Variants in IMMP2L observed in about 807,000 individuals in gnomAD.
IMMP2L encodes the protein inner mitochondrial membrane peptidase subunit 2.
IMMP2L carries 18 observed loss-of-function variants against 19.3 expected under a neutral mutation model. The ratio of observed to expected loss-of-function variants is 0.93; its 90% CI spans 0.64 to 1.38. The LOEUF (loss-of-function observed/expected upper bound fraction) is 1.38, where lower values mean the gene tolerates loss of function less well. Ranked by LOEUF, IMMP2L falls within the 40% of genes most tolerant of loss-of-function variation. IMMP2L has a pLI of 0.00. For synonymous variants in IMMP2L, 76 were observed against 73.0 expected (o/e 1.04, Z -0.21); for missense variants, 233 against 218.2 (o/e 1.07, Z -0.43).
At chr7:110,734,495 T>C (rs1331846993) in intron 5 of IMMP2L, among the ~76,000 whole-genome samples, 1 of 152,064 alleles carries the variant, frequency 6.6e-6, no homozygotes, top group African/African-American at 2.4e-5. Flanking sequence ...TATAGTAAAA[T>C]GCAGGAAGGG....
At chr7:111,523,527 G>A (rs1404383299) in intron 1 of IMMP2L, among the ~76,000 whole-genome samples, 1 of 152,026 alleles carries the variant, frequency 6.6e-6, no homozygotes, top group Non-Finnish European at 1.5e-5. Context: ...ATTACCTACT[G>A]TAACTGACAT....
At chr7:110,797,194 T>TAA (rs797000751) in intron 5 of IMMP2L, among the ~76,000 whole-genome samples, 1 of 147,806 alleles carries the variant, frequency 6.8e-6, no homozygotes, top group African/African-American at 2.5e-5. Flanking sequence ...TCTCAGAAAA[T>TAA]AAAAAAAAAA....
At chr7:110,904,979 G>A (rs973067369) in intron 4 of IMMP2L, among the ~76,000 whole-genome samples, 1 of 152,008 alleles carries the variant, frequency 6.6e-6, no homozygotes, top group Admixed American at 6.6e-5. Flanking sequence ...TTCTTTTCAT[G>A]GTTACAAAAT....
chr7:110,691,792 A>C (rs888569840), intron 5 of IMMP2L, among the ~76,000 whole-genome samples: 2 of 152,196 alleles, frequency 1.3e-5, no homozygotes, highest in African/African-American at 4.8e-5. Flanking sequence ...CCATTATTAA[A>C]AAGTCAAAAA....
At chr7:111,033,789 C>T (rs1791066687) in intron 3 of IMMP2L, among the ~76,000 whole-genome samples, 2 of 152,008 alleles carry the variant, frequency 1.3e-5, no homozygotes. Context: ...CATATCAATA[C>T]AAAAACTTGT....
chr7:111,052,215 C>G (rs1482133575), intron 3 of IMMP2L, among the ~76,000 whole-genome samples: 2 of 152,152 alleles, frequency 1.3e-5, no homozygotes, highest in Non-Finnish European at 2.9e-5. Context: ...AATATGCATT[C>G]TGTAGAGAAT....
Position 111,429,212 on chromosome 7 carries a change from T to G in IMMP2L, c.239+58026A>C, listed in dbSNP as rs924211349. Among the ~76,000 whole-genome samples the G allele has an allele frequency of 2.0e-5, 3 of 151,816 alleles. No homozygotes were observed. In the South Asian group the frequency reaches 6.2e-4, roughly 31 times the overall value. On this transcript the variant is annotated intron_variant, in intron 3 of 5. Coordinates refer to ENST00000405709, the MANE Select transcript of IMMP2L (RefSeq NM_032549.4). ...TCTCTGGGAACTGCATGTAGGGAAA[T>G]GCATGTTGATATAGGTACACACATG...
chr7:110,930,201 C>T (rs758506829), intron 4 of IMMP2L, among the ~76,000 whole-genome samples: 1 of 152,094 alleles, frequency 6.6e-6, no homozygotes, highest in Non-Finnish European at 1.5e-5. Context: ...TTTCATATGT[C>T]CTTTGGTACA....
At chr7:110,917,007 G>C (rs531778717) in intron 4 of IMMP2L, among the ~76,000 whole-genome samples, 1 of 152,268 alleles carries the variant, frequency 6.6e-6, no homozygotes, top group Admixed American at 6.5e-5. Context: ...GGCCTCTATA[G>C]GTGTAACTTA....
At chr7:111,262,852 T>C (rs1271118144) in intron 3 of IMMP2L, among the ~76,000 whole-genome samples, 2 of 152,146 alleles carry the variant, frequency 1.3e-5, no homozygotes, top group East Asian at 3.9e-4. Context: ...CCTGGACCTC[T>C]CTCTCATTTG....
chr7:110,897,639 T>G (rs1811457362), intron 4 of IMMP2L, among the ~76,000 whole-genome samples: 1 of 152,100 alleles, frequency 6.6e-6, no homozygotes, highest in African/African-American at 2.4e-5. Context: ...TACAATAATG[T>G]TTTTCATAAC....
intron 3 of IMMP2L, among the ~76,000 whole-genome samples, chr7:111,288,972 T>C (rs753517379): frequency 6.6e-6 from 1 of 152,138 alleles, no homozygotes; most frequent in Admixed American, 6.6e-5. Context: ...GGCACACATA[T>C]GTTTATTGCG....
At chr7:110,798,756 A>G (rs983718832) in intron 5 of IMMP2L, among the ~76,000 whole-genome samples, 30 of 151,984 alleles carry the variant, frequency 2.0e-4, no homozygotes, top group African/African-American at 7.0e-4. Flanking sequence ...AAAGAGAAGC[A>G]ATTACTTTTT....
At chr7:111,187,336 C>T (rs1213829671) in intron 3 of IMMP2L, among the ~76,000 whole-genome samples, 1 of 152,116 alleles carries the variant, frequency 6.6e-6, no homozygotes, top group East Asian at 1.9e-4. Flanking sequence ...ACCAGGCTCT[C>T]CCTTTTAGGA....
At chr7:111,506,704 T>C (rs1346080969) in intron 2 of IMMP2L, among the ~76,000 whole-genome samples, 7 of 152,168 alleles carry the variant, frequency 4.6e-5, no homozygotes, top group Admixed American at 4.6e-4. Flanking sequence ...CCTTAATTTT[T>C]TTCAAACCAG....
intron 3 of IMMP2L, among the ~76,000 whole-genome samples, chr7:111,102,934 A>G (rs1303646820): frequency 6.6e-6 from 1 of 151,462 alleles, no homozygotes; most frequent in Non-Finnish European, 1.5e-5. Context: ...TTTCCCCTTA[A>G]AAGACCATAT....
chr7:110,961,219 C>A (rs537530229), intron 4 of IMMP2L, among the ~76,000 whole-genome samples: 3 of 151,924 alleles, frequency 2.0e-5, no homozygotes, highest in African/African-American at 7.2e-5. Context: ...TTCATTCCCA[C>A]AAATATAGAT....
intron 3 of IMMP2L, among the ~76,000 whole-genome samples, chr7:111,131,317 C>T (rs904286139): frequency 1.3e-5 from 2 of 151,978 alleles, no homozygotes; most frequent in African/African-American, 4.8e-5. Flanking sequence ...AGTCCAGGCT[C>T]AGTCCTAAAG....
intron 3 of IMMP2L, among the ~76,000 whole-genome samples, chr7:111,015,510 C>T (rs1386401393): frequency 6.6e-6 from 1 of 152,070 alleles, no homozygotes; most frequent in African/African-American, 2.4e-5. Flanking sequence ...CTTAACACTA[C>T]TAAAAAGTAT....
Sources: allele counts gnomAD v4.1 joint callset (sites outside exome capture counted in the v4.1 genomes callset), GRCh38; gene constraint gnomAD v4.1.1; transcripts MANE v1.5; gene names NCBI Gene and HGNC (gene_info 2026-07-23, HGNC 2026-07-21).